GABRA5: variants seen among roughly 807,000 people sequenced by gnomAD.
GABRA5 encodes the protein gamma-aminobutyric acid type A receptor subunit alpha5, also known as gamma-aminobutyric acid receptor subunit alpha-5.
Under a neutral mutation model 47.3 loss-of-function variants are expected in GABRA5, and 18 were observed. The observed-to-expected ratio is 0.38, with a 90% CI of 0.26 to 0.56. The LOEUF (loss-of-function observed/expected upper bound fraction) is 0.56. Ranked by LOEUF, GABRA5 falls within the 20% of genes least tolerant of loss-of-function variation. The pLI is 0.71. For missense variants in GABRA5, 365 were observed against 599.3 expected (o/e 0.61, Z 4.08); for synonymous variants, 237 against 229.3 (o/e 1.03, Z -0.30).
intron 3 of GABRA5, among the ~76,000 whole-genome samples, chr15:26,876,969 G>C (rs76998437): frequency 0.019 from 2,888 of 152,294 alleles, 105 homozygotes; most frequent in South Asian, 0.13. Flanking sequence ...GGGGCCATAG[G>C]GCTTGGGTTT....
chr15:26,891,187 T>G (rs1452044246), intron 6 of GABRA5, among the ~76,000 whole-genome samples: 1 of 152,158 alleles, frequency 6.6e-6, no homozygotes, highest in African/African-American at 2.4e-5. Flanking sequence ...CAGGACCACA[T>G]CACCCTTTGC....
At chr15:26,942,553 G>A (rs1171776716) in intron 9 of GABRA5, among the ~76,000 whole-genome samples, 2 of 152,150 alleles carry the variant, frequency 1.3e-5, no homozygotes, top group African/African-American at 2.4e-5. Flanking sequence ...TACTGGCTGC[G>A]GCATGAATGT....
chr15:26,897,839 G>A (rs28531734), intron 6 of GABRA5, among the ~76,000 whole-genome samples: 3,662 of 152,140 alleles, frequency 0.024, 151 homozygotes, highest in African/African-American at 0.083. Context: ...CCTGTGTCTC[G>A]GGGATGCAAC....
At chr15:26,936,029 A>G (rs1262598918) in intron 7 of GABRA5, among the ~76,000 whole-genome samples, 2 of 152,096 alleles carry the variant, frequency 1.3e-5, no homozygotes, top group Non-Finnish European at 2.9e-5. Flanking sequence ...TATGGGGGCA[A>G]TTCCCCCATG....
chr15:26,892,370 C>G (rs1354762381), intron 6 of GABRA5, among the ~76,000 whole-genome samples: 3 of 152,064 alleles, frequency 2.0e-5, no homozygotes, highest in African/African-American at 7.2e-5. Flanking sequence ...AAATGCAGCC[C>G]CGTGGCAGCC....
intron 7 of GABRA5, among the ~76,000 whole-genome samples, chr15:26,915,504 A>G (rs1415382233): frequency 3.3e-5 from 5 of 152,232 alleles, no homozygotes; most frequent in Admixed American, 3.3e-4. Flanking sequence ...GACAGTTGAG[A>G]CAGTTGAAAA....
chr15:26,890,401 C>G (rs1892976087), intron 6 of GABRA5, among the ~76,000 whole-genome samples: 1 of 149,826 alleles, frequency 6.7e-6, no homozygotes, highest in Admixed American at 6.6e-5. Flanking sequence ...AACAGTTACT[C>G]ATCTCAAGAT....
chr15:26,944,254 AGGC>A (rs1894458758), intron 10 of GABRA5, among the ~76,000 whole-genome samples: 1 of 152,228 alleles, frequency 6.6e-6, no homozygotes, highest in South Asian at 2.1e-4. Context: ...GCAGAGCAGG[AGGC>A]CCTGGTTCCA....
chr15:26,897,843 A>T (rs1345517967), intron 6 of GABRA5, among the ~76,000 whole-genome samples: 1 of 152,132 alleles, frequency 6.6e-6, no homozygotes, highest in Admixed American at 6.6e-5. Flanking sequence ...TGTCTCGGGG[A>T]TGCAACTGAC....
intron 10 of GABRA5, among the ~76,000 whole-genome samples, chr15:26,946,005 GA>G (rs538541959): frequency 1.2e-3 from 189 of 152,268 alleles, no homozygotes; most frequent in African/African-American, 4.3e-3. Context: ...GGAAGGCGGG[GA>G]CGGCAAAACT....
intron 3 of GABRA5, among the ~76,000 whole-genome samples, chr15:26,871,066 T>C (rs548769709): frequency 1.3e-5 from 2 of 152,070 alleles, no homozygotes; most frequent in Non-Finnish European, 2.9e-5. Flanking sequence ...TGGTGGCACA[T>C]GCCTGTAATC....
chr15:26,943,820 A>C (rs1894446726), intron 10 of GABRA5, among the ~76,000 whole-genome samples: 1 of 152,168 alleles, frequency 6.6e-6, no homozygotes, highest in Non-Finnish European at 1.5e-5. Context: ...GGAGTTCCTC[A>C]GCAAAGCACA....
rs746469716 is a variant in GABRA5 at position 26,914,755 on chromosome 15, G to A, written c.498-48G>A. On this transcript the variant is annotated intron_variant, in intron 6 of 10. Transcript: ENST00000335625. ...GGGACACGATGGTGGCTCAGTGAAT[G>A]GCTAGAGTGAGAGAGTCGTTCAAAG... 4.2e-6 allele frequency: 6 copies of A among 1,443,870 alleles called. No individual in the cohort carries two copies. The South Asian group carries it at 6.9e-5, about 16-fold the overall frequency. The allele number at this position is 1,443,870 out of a possible 1,614,324, so 89.4% of individuals were successfully genotyped here.
intron 3 of GABRA5, among the ~76,000 whole-genome samples, chr15:26,875,679 G>A (rs922692845): frequency 2.6e-4 from 39 of 152,200 alleles, no homozygotes; most frequent in Non-Finnish European, 1.9e-4. Context: ...AGGGGCAGGC[G>A]TGAGGAAGTG....
intron 3 of GABRA5, among the ~76,000 whole-genome samples, chr15:26,879,026 T>C (rs1303465796): frequency 6.6e-6 from 1 of 152,228 alleles, no homozygotes; most frequent in Non-Finnish European, 1.5e-5. Flanking sequence ...CAAGCCCTTG[T>C]CTCTGGACAG....
chr15:26,884,900 G>C (rs1252448383), intron 6 of GABRA5, among the ~76,000 whole-genome samples: 3 of 152,192 alleles, frequency 2.0e-5, no homozygotes, highest in African/African-American at 7.2e-5. Context: ...GGGTGCAAGA[G>C]CACATTTGGT....
At chr15:26,935,280 T>G (rs540118758) in intron 7 of GABRA5, among the ~76,000 whole-genome samples, 1 of 152,374 alleles carries the variant, frequency 6.6e-6, no homozygotes, top group South Asian at 2.1e-4. Flanking sequence ...CATTTAATAT[T>G]CACTAGTAGT....
At chr15:26,895,349 G>A (rs976696073) in intron 6 of GABRA5, among the ~76,000 whole-genome samples, 3 of 152,058 alleles carry the variant, frequency 2.0e-5, no homozygotes, top group Non-Finnish European at 4.4e-5. Context: ...TGTAGCTTGT[G>A]GACTAACTTG....
chr15:26,897,656 T>A (rs1461658450), intron 6 of GABRA5, among the ~76,000 whole-genome samples: 6 of 152,290 alleles, frequency 3.9e-5, no homozygotes, highest in Non-Finnish European at 8.8e-5. Flanking sequence ...AGTTGCCCCT[T>A]GATAACACTT....
Sources: allele counts gnomAD v4.1 joint callset (sites outside exome capture counted in the v4.1 genomes callset), GRCh38; gene constraint gnomAD v4.1.1; transcripts MANE v1.5; gene names NCBI Gene and HGNC (gene_info 2026-07-23, HGNC 2026-07-21).